The following PLXNA4 variants were observed in gnomAD, a reference collection of about 807,000 sequenced individuals.
PLXNA4 encodes plexin A4.
A neutral mutation model predicts 191.8 loss-of-function variants in PLXNA4; 44 were observed. The observed-to-expected ratio is 0.23, with a 90% CI of 0.18 to 0.29. The LOEUF (loss-of-function observed/expected upper bound fraction) is 0.29, where lower values mean the gene tolerates loss of function less well. PLXNA4 is among the 10% of genes least tolerant of loss of function. PLXNA4 has a pLI of 1.00. For synonymous variants in PLXNA4, 1,082 were observed against 1,009.5 expected, an observed-to-expected ratio of 1.07 and a Z score of -1.36; for missense variants, 1,800 against 2,488.8, an observed-to-expected ratio of 0.72 and a Z score of 5.89.
chr7:132,559,047 C>A (rs548795862), intron 1 of PLXNA4, among the ~76,000 whole-genome samples: 1 of 152,134 alleles, frequency 6.6e-6, no homozygotes, highest in Non-Finnish European at 1.5e-5. Flanking sequence ...GACCACAGAT[C>A]ACTGTGGTTA....
intron 3 of PLXNA4, among the ~76,000 whole-genome samples, chr7:132,361,635 G>A (rs1450892548): frequency 6.6e-6 from 1 of 152,198 alleles, no homozygotes; most frequent in Non-Finnish European, 1.5e-5. Flanking sequence ...AGGAGGAAAG[G>A]TTAGAGCAGG....
intron 3 of PLXNA4, among the ~76,000 whole-genome samples, chr7:132,382,041 C>A (rs1189016327): frequency 6.6e-6 from 1 of 152,080 alleles, no homozygotes; most frequent in Non-Finnish European, 1.5e-5. Context: ...ACAGAAAAAG[C>A]CACAGGGCAT....
intron 3 of PLXNA4, among the ~76,000 whole-genome samples, chr7:132,406,255 G>A (rs566907166): frequency 1.3e-4 from 20 of 152,330 alleles, no homozygotes; most frequent in Admixed American, 2.6e-4. Context: ...ATGCCCTCCT[G>A]CCACACAATG....
At chr7:132,557,967 T>C (rs1459336441) in intron 1 of PLXNA4, among the ~76,000 whole-genome samples, 1 of 152,172 alleles carries the variant, frequency 6.6e-6, no homozygotes, top group Non-Finnish European at 1.5e-5. Context: ...AACAACCTTA[T>C]GTTGGGTCCA....
intron 2 of PLXNA4, among the ~76,000 whole-genome samples, chr7:132,635,369 T>G (rs1803581387): frequency 6.6e-6 from 1 of 151,958 alleles, no homozygotes; most frequent in Non-Finnish European, 1.5e-5. Context: ...CTTGAATAGA[T>G]TTTTTGAACT....
At chr7:132,551,784 T>C (rs1800573790) in intron 1 of PLXNA4, among the ~76,000 whole-genome samples, 2 of 152,200 alleles carry the variant, frequency 1.3e-5, no homozygotes, top group Non-Finnish European at 2.9e-5. Context: ...CCTTTTAACA[T>C]CCAAAACTAA....
chr7:132,622,285 T>A (rs538869821), intron 2 of PLXNA4, among the ~76,000 whole-genome samples: 2 of 152,194 alleles, frequency 1.3e-5, no homozygotes, highest in Non-Finnish European at 2.9e-5. Context: ...AGTCACCACT[T>A]GAAAAAGAGC....
At chr7:132,212,737 G>A (rs1797843634) in intron 9 of PLXNA4, among the ~76,000 whole-genome samples, 1 of 152,220 alleles carries the variant, frequency 6.6e-6, no homozygotes, top group South Asian at 2.1e-4. Context: ...GGAAGCTGGA[G>A]GAGCAAGACC....
At chr7:132,562,308 T>TC (rs1801212288) in intron 1 of PLXNA4, among the ~76,000 whole-genome samples, 1 of 61,080 alleles carries the variant, frequency 1.6e-5, no homozygotes, top group African/African-American at 7.2e-5. Context: ...CCTTCTCCTC[T>TC]TCCTCCTCTT....
chr7:132,446,878 C>A (rs141765850), intron 3 of PLXNA4, among the ~76,000 whole-genome samples: 211 of 152,308 alleles, frequency 1.4e-3, no homozygotes, highest in African/African-American at 4.9e-3. Context: ...AGCAGGCCTG[C>A]AGCAGACACA....
At chr7:132,175,697 C>T (rs925447734) in intron 20 of PLXNA4, among the ~76,000 whole-genome samples, 3 of 152,186 alleles carry the variant, frequency 2.0e-5, no homozygotes, top group Admixed American at 1.3e-4. Context: ...CACCATATTC[C>T]GTTCTGGAAA....
chr7:132,602,441 GC>G (rs1462523548), intron 2 of PLXNA4, among the ~76,000 whole-genome samples: 1 of 152,110 alleles, frequency 6.6e-6, no homozygotes, highest in Non-Finnish European at 1.5e-5. Flanking sequence ...CTCCTTTATG[GC>G]CCCGTGGTCT....
At chr7:132,435,403 GC>G (rs1164129191) in intron 3 of PLXNA4, among the ~76,000 whole-genome samples, 1 of 151,928 alleles carries the variant, frequency 6.6e-6, no homozygotes, top group Non-Finnish European at 1.5e-5. Context: ...GTTCTAATCG[GC>G]CCCGTGGATG....
intron 2 of PLXNA4, among the ~76,000 whole-genome samples, chr7:132,639,532 G>T (rs138754972): frequency 1.3e-5 from 2 of 151,970 alleles, no homozygotes; most frequent in African/African-American, 2.4e-5. Context: ...AGAACCATGC[G>T]CCCCCACAAT....
intron 31 of PLXNA4, 103 bp downstream of exon 31, chr7:132,132,946 T>C: frequency 2.7e-6 from 4 of 1,487,796 alleles, no homozygotes; most frequent in South Asian, 1.4e-5. Flanking sequence ...CCAGCAGAGG[T>C]GGATGTGTCT....
At chr7:132,465,828 T>C (rs1028676085) in intron 3 of PLXNA4, among the ~76,000 whole-genome samples, 3 of 151,934 alleles carry the variant, frequency 2.0e-5, no homozygotes, top group African/African-American at 7.3e-5. Flanking sequence ...CCTGCAGAGC[T>C]GGAGGAGAGA....
intron 22 of PLXNA4, among the ~76,000 whole-genome samples, chr7:132,166,745 C>T (rs1433459796): frequency 1.3e-5 from 2 of 151,716 alleles, no homozygotes; most frequent in Non-Finnish European, 2.9e-5. Flanking sequence ...CAGAGCGAGA[C>T]CACGCCAGAA....
At chr7:132,198,251 TTCTC>T (rs1314384540) in intron 13 of PLXNA4, among the ~76,000 whole-genome samples, 3 of 152,192 alleles carry the variant, frequency 2.0e-5, no homozygotes, top group Non-Finnish European at 2.9e-5. Context: ...ACAGTCACCT[TTCTC>T]TCTCAGCTAT....
At chr7:132,134,552 A>G (rs192543613) in intron 30 of PLXNA4, among the ~76,000 whole-genome samples, 1 of 152,268 alleles carries the variant, frequency 6.6e-6, no homozygotes, top group Admixed American at 6.5e-5. Flanking sequence ...GGGGAGGCAG[A>G]GGGAGGGAGA....
Sources: gnomAD v4.1 joint callset for allele counts (sites outside exome capture counted in the v4.1 genomes callset) on GRCh38, gnomAD v4.1.1 for gene constraint, MANE v1.5 for transcripts, NCBI Gene and HGNC (gene_info 2026-07-23, HGNC 2026-07-21) for gene names.